VANGL1: variants seen among roughly 807,000 people sequenced by gnomAD.
VANGL1 encodes VANGL planar cell polarity protein 1, also known as vang-like protein 1.
Under a neutral mutation model 48.4 loss-of-function variants are expected in VANGL1, and 18 were observed. The observed-to-expected ratio is 0.37, with a 90% CI of 0.26 to 0.55. The LOEUF is 0.55. VANGL1 is among the 20% of genes least tolerant of loss of function. VANGL1 has a pLI of 0.81. For missense variants in VANGL1, 667 were observed against 675.8 expected (o/e 0.99, Z 0.14); for synonymous variants, 257 against 261.8 (o/e 0.98, Z 0.18).
Position 115,659,527 on chromosome 1 carries a change from G to A in VANGL1, c.72-114G>A, listed in dbSNP as rs45562632. 142,700 of 1,277,830 alleles carry A rather than the reference G, an allele frequency of 0.11. 10,842 individuals carry two copies. Among genetic ancestry groups the A allele is most frequent in the South Asian group, 0.31 (25,824 of 82,594 alleles). 79.2% of individuals were successfully genotyped at this position (1,277,830 alleles called of 1,614,324 possible). On this transcript the variant is annotated intron_variant, in intron 2 of 7. Coordinates refer to ENST00000355485, the MANE Select transcript of VANGL1 (RefSeq NM_138959.3). The stretch of plus-strand genomic sequence containing the variant: ...GCTCTGTGTGTGTGTGTGTGTGTGT[G>A]TGTGTGTGTGTGTATGTAGAATTTC...
chr1:115,657,208 G>T (rs550936536), intron 2 of VANGL1, among the ~76,000 whole-genome samples: 1 of 152,322 alleles, frequency 6.6e-6, no homozygotes, highest in African/African-American at 2.4e-5. Context: ...CGGTCCAATT[G>T]TGATTCCTAG....
rs531735233 is a variant in VANGL1 at position 115,686,758 on chromosome 1, C to T, written c.1314+1231C>T. Among the ~76,000 whole-genome samples, 21 of 152,252 alleles carry T rather than the reference C, an allele frequency of 1.4e-4. No individual in the cohort carries two copies. In the South Asian group the frequency reaches 3.7e-3, roughly 27 times the overall value. On this transcript the variant is annotated intron_variant, in intron 7 of 7. Coordinates refer to ENST00000355485, the MANE Select transcript of VANGL1 (RefSeq NM_138959.3). ...TGACAAAGCCATAGCATTATTTTTA[C>T]CAATAATAATAATAGCAATTTAGTC...
Position 115,691,426 on chromosome 1 carries a change from G to T in VANGL1, c.*47G>T, listed in dbSNP as rs190792695. 3.0e-4 allele frequency: 464 copies of T among 1,558,202 alleles called. 6 individuals carry two copies. In the East Asian group the frequency reaches 9.3e-3, roughly 31 times the overall value. ...ATTAAAAAAAAAAGAAAAATATATA[G>T]AGAGATATATATCTATGCCAGAGGG... On this transcript the variant is annotated 3_prime_UTR_variant, in exon 8 of 8. Coordinates refer to ENST00000355485, the MANE Select transcript of VANGL1 (RefSeq NM_138959.3).
chr1:115,669,169 A>G (rs545591490), intron 4 of VANGL1, among the ~76,000 whole-genome samples: 1 of 152,190 alleles, frequency 6.6e-6, no homozygotes, highest in Non-Finnish European at 1.5e-5. Context: ...ATCAATGAAA[A>G]ATGATAGCTG....
At chr1:115,682,908 C>T (rs949377719) in intron 5 of VANGL1, among the ~76,000 whole-genome samples, 1 of 152,198 alleles carries the variant, frequency 6.6e-6, no homozygotes, top group Non-Finnish European at 1.5e-5. Context: ...GCACTTCTTA[C>T]TCGTGGCTAG....
In VANGL1 at chr1:115,664,277, C is replaced by T. The variant is rs370321176; in HGVS notation, c.812+9C>T. ...AGCCTGGGACACCTGAGGTAAGAGG[C>T]AACATCCAGGAGGCAGAAAGGATGG... On this transcript the variant is annotated intron_variant, in intron 4 of 7. Transcript: ENST00000355485. 2.0e-5 allele frequency: 33 copies of T among 1,613,022 alleles called. No individual in the cohort carries two copies. Among genetic ancestry groups the T allele is most frequent in the Admixed American group, 1.7e-5 (1 of 59,962 alleles).
chr1:115,663,551 C>G, intron 3 of VANGL1, 110 bp from the exon 4 acceptor site: 1 of 1,448,592 alleles, frequency 6.9e-7, no homozygotes, highest in Admixed American at 1.9e-5. Context: ...TTTCTGGAAG[C>G]CTTTGTGAAT....
intron 5 of VANGL1, among the ~76,000 whole-genome samples, chr1:115,683,040 T>C (rs191627025): frequency 3.2e-4 from 49 of 152,248 alleles, no homozygotes; most frequent in Non-Finnish European, 5.9e-4. Context: ...TTCCTGGGTA[T>C]GTTGGGTGAG....
At chr1:115,654,177 G>A (rs758195278) in intron 2 of VANGL1, among the ~76,000 whole-genome samples, 14 of 152,120 alleles carry the variant, frequency 9.2e-5, no homozygotes, top group Non-Finnish European at 1.9e-4. Context: ...GGTAGGAGGC[G>A]GGTTGGGGTT....
chr1:115,655,875 G>A lies in VANGL1; in HGVS notation c.72-3766G>A, dbSNP rs898712833. Among the ~76,000 whole-genome samples, 26 of 152,308 alleles carry A rather than the reference G, an allele frequency of 1.7e-4. No individual in the cohort carries two copies. In the East Asian group the frequency reaches 1.7e-3, roughly 10 times the overall value. The stretch of plus-strand genomic sequence containing the variant: ...CAGTGAGGTGGCCACACTGTGACCC[G>A]CAGTTCTGCAGACTGGAAGGCACTG... On this transcript the variant is annotated intron_variant, in intron 2 of 7. Transcript: ENST00000355485.
intron 2 of VANGL1, among the ~76,000 whole-genome samples, chr1:115,654,850 G>A (rs574335009): frequency 1.2e-4 from 19 of 152,144 alleles, no homozygotes; most frequent in Admixed American, 2.0e-4. Context: ...CTAGAATGGC[G>A]GGAGGTCATA....
rs978194107 is a variant in VANGL1, at chr1:115,690,194, A to T, written c.1315-925A>T. Among the ~76,000 whole-genome samples the T allele has an allele frequency of 3.5e-5, 3 of 84,726 alleles. 1 individual carries two copies. The highest frequency in any genetic ancestry group is 2.8e-4 in the East Asian group (1 of 3,630). The allele number at this position is 84,726 out of a possible 152,430, so 55.6% of individuals were successfully genotyped here. ...CAAGAGAGTGAAGTGTAGTGTGGGG[A>T]GCAGACATGCAAGTCAGCAATCACT... is the stretch of plus-strand genomic sequence containing the variant. On this transcript the variant is annotated intron_variant, in intron 7 of 7. Transcript: ENST00000355485.
intron 4 of VANGL1, among the ~76,000 whole-genome samples, chr1:115,680,222 G>A (rs907040359): frequency 8.5e-5 from 13 of 152,198 alleles, no homozygotes; most frequent in South Asian, 6.2e-4. Flanking sequence ...AAGAGCTCTC[G>A]TGACACACAA....
At chr1:115,665,239 A>G (rs1391964736) in intron 4 of VANGL1, among the ~76,000 whole-genome samples, 1 of 152,196 alleles carries the variant, frequency 6.6e-6, no homozygotes, top group Non-Finnish European at 1.5e-5. Context: ...AGTGCCTGGC[A>G]TGGAGCATGG....
chr1:115,673,376 A>G (rs1280888401), intron 4 of VANGL1, among the ~76,000 whole-genome samples: 1 of 152,204 alleles, frequency 6.6e-6, no homozygotes, highest in African/African-American at 2.4e-5. Flanking sequence ...AGTATAGCAC[A>G]AACTGGATGG....
chr1:115,649,218 G>T (rs1274381737), intron 1 of VANGL1, among the ~76,000 whole-genome samples: 1 of 152,156 alleles, frequency 6.6e-6, no homozygotes, highest in Non-Finnish European at 1.5e-5. Context: ...GGAAAGTAGG[G>T]TAAGTCCAGG....
rs757509191 is a variant in VANGL1, at chr1:115,663,750, C to T, written c.294C>T (p.Asp98=). 1.9e-6 allele frequency: 3 copies of T among 1,614,214 alleles called. No homozygotes were observed. Among genetic ancestry groups the T allele is most frequent in the East Asian group, 4.5e-5 (2 of 44,878 alleles). Residue 98 remains aspartate, a synonymous_variant, in exon 4 of 8, where the codon GAC becomes GAT. Coordinates refer to ENST00000355485, the MANE Select transcript of VANGL1 (RefSeq NM_138959.3). ...SQEDIARISK[D]MEDSVGLDCK... ...AGGACATTGCCAGGATCAGCAAGGA[C>T]ATGGAGGACAGCGTGGGGCTGGATT...
chr1:115,659,172 G>A (rs1029793104), intron 2 of VANGL1, among the ~76,000 whole-genome samples: 2 of 151,952 alleles, frequency 1.3e-5, no homozygotes, highest in Non-Finnish European at 2.9e-5. Flanking sequence ...GGGTGACAAT[G>A]TGTCCCAGAT....
At chr1:115,648,048 C>T (rs778572772) in intron 1 of VANGL1, among the ~76,000 whole-genome samples, 3 of 151,962 alleles carry the variant, frequency 2.0e-5, no homozygotes, top group Non-Finnish European at 4.4e-5. Flanking sequence ...CAAGGGATAA[C>T]GTGATGAGGG....
Sources: allele counts gnomAD v4.1 joint callset (sites outside exome capture counted in the v4.1 genomes callset), GRCh38; gene constraint gnomAD v4.1.1; transcripts MANE v1.5; gene names NCBI Gene and HGNC (gene_info 2026-07-23, HGNC 2026-07-21).